Variants in YEATS2 observed in about 807,000 individuals in gnomAD.
YEATS2 encodes the protein YEATS domain containing 2, also known as YEATS domain-containing protein 2.
In YEATS2, 77 loss-of-function variants were observed where a neutral mutation model predicts 163.2. That is an observed-to-expected ratio of 0.47 (90% CI 0.39 to 0.57). The LOEUF (loss-of-function observed/expected upper bound fraction) is 0.57. Among genes scored for constraint, YEATS2 ranks in the 20% least tolerant of loss-of-function variants. The probability of loss-of-function intolerance (pLI) is 0.00; values close to 1 mark genes in which losing one functional copy is unlikely to be tolerated. For synonymous variants in YEATS2, 631 were observed against 645.1 expected (o/e 0.98, Z 0.33); for missense variants, 1,549 against 1,729.8 (o/e 0.90, Z 1.85).
Position 183,728,845 on chromosome 3 carries a change from A to G in YEATS2, c.806A>G (p.Glu269Gly). The change falls in exon 7 of 31, where the codon GAA (glutamate) becomes GGA (glycine). Residue 269 changes from glutamate to glycine, a missense_variant. Coordinates refer to ENST00000305135, the MANE Select transcript of YEATS2 (RefSeq NM_018023.5). ...AGCTATAAACCAAATGACCTTGTGG[A>G]AGTTAGGTAAGCACGCTTGAGGTAT... Reference protein sequence around the residue: ...HPSYKPNDLVEVREPPFHLTR... With the variant: ...HPSYKPNDLVGVREPPFHLTR... 6.2e-7 allele frequency: 1 copy of G among 1,609,220 alleles called. No individual in the cohort carries two copies. The highest frequency in any genetic ancestry group is 1.1e-5 in the South Asian group (1 of 89,614).
chr3:183,714,386 C>T (rs1047584030), intron 1 of YEATS2, among the ~76,000 whole-genome samples: 3 of 149,778 alleles, frequency 2.0e-5, no homozygotes, highest in South Asian at 2.1e-4. Flanking sequence ...TTAGTAGAGA[C>T]GGGTTTTCAC....
chr3:183,793,475 T>C, intron 21 of YEATS2: 1 of 938,774 alleles, frequency 1.1e-6, no homozygotes, highest in African/African-American at 2.7e-5. Context: ...ATAAAAGGAA[T>C]TATTATAATA....
In YEATS2 at chr3:183,718,607, T is replaced by C; in HGVS notation, c.291+15T>C. ...AAGTTTCTGAGGTAAGCATTCCTCA[T>C]ACCCAGTCATTTTCCAGCCACTCAT... On this transcript the variant is annotated intron_variant, in intron 4 of 30. Coordinates refer to ENST00000305135, the MANE Select transcript of YEATS2 (RefSeq NM_018023.5). The C allele has an allele frequency of 1.3e-6, 2 of 1,579,380 alleles. No homozygotes were observed. The highest frequency in any genetic ancestry group is 1.7e-6 in the Non-Finnish European group (2 of 1,157,384).
At chr3:183,788,472 ACAGGATTT>A (rs1724278375) in intron 20 of YEATS2, among the ~76,000 whole-genome samples, 1 of 152,330 alleles carries the variant, frequency 6.6e-6, no homozygotes, top group Non-Finnish European at 1.5e-5. Context: ...GTTGCAAATG[ACAGGATTT>A]CATTCTTTCT....
intron 21 of YEATS2, 142 bp downstream of exon 21, chr3:183,791,122 C>T: frequency 4.3e-6 from 5 of 1,163,664 alleles, no homozygotes; most frequent in Non-Finnish European, 5.9e-6. Context: ...CAACCTCTGC[C>T]TTCCAGGCTC....
intron 15 of YEATS2, among the ~76,000 whole-genome samples, chr3:183,767,260 C>T (rs2109388111): frequency 6.6e-6 from 1 of 151,802 alleles, no homozygotes. Flanking sequence ...GCGTCTAGCT[C>T]CGTTGCCCAG....
chr3:183,786,101 T>C, intron 19 of YEATS2, 24 bp from the exon 20 acceptor site: 1 of 1,605,854 alleles, frequency 6.2e-7, no homozygotes, highest in South Asian at 1.1e-5. Flanking sequence ...AACATGATTA[T>C]TTCTGCCCAT....
intron 29 of YEATS2, 162 bp from the exon 30 acceptor site, chr3:183,808,935 T>A (rs1384738544): frequency 1.7e-6 from 1 of 597,854 alleles, no homozygotes; most frequent in Non-Finnish European, 3.0e-6. Flanking sequence ...ATGGCCTTTA[T>A]CATTATGGTC....
intron 15 of YEATS2, among the ~76,000 whole-genome samples, chr3:183,770,539 C>T (rs558792598): frequency 1.4e-3 from 209 of 152,286 alleles, no homozygotes; most frequent in African/African-American, 4.8e-3. Flanking sequence ...CCCATATCCT[C>T]CACCCCAAAT....
intron 21 of YEATS2, among the ~76,000 whole-genome samples, chr3:183,797,131 T>C (rs1190458167): frequency 1.3e-5 from 2 of 151,776 alleles, no homozygotes; most frequent in Non-Finnish European, 2.9e-5. Flanking sequence ...TAGCTGGGCA[T>C]GGTGGCATGC....
chr3:183,795,299 C>G (rs893048496), intron 21 of YEATS2, among the ~76,000 whole-genome samples: 1 of 151,508 alleles, frequency 6.6e-6, no homozygotes, highest in African/African-American at 2.4e-5. Context: ...ATTTTTATTT[C>G]ATTTTTAGAG....
chr3:183,714,449 G>C (rs1007219086), intron 1 of YEATS2, among the ~76,000 whole-genome samples: 4 of 151,714 alleles, frequency 2.6e-5, no homozygotes, highest in Admixed American at 2.0e-4. Flanking sequence ...GCCCACCTCG[G>C]CCTCCCAAAG....
In YEATS2 at chr3:183,797,793, C is replaced by T. The variant is rs1725299511; in HGVS notation, c.3098-130C>T. 3.6e-6 allele frequency: 4 copies of T among 1,126,542 alleles called. No homozygotes were observed. The East Asian group carries it at 9.9e-5, about 28-fold the overall frequency. 69.8% of individuals were successfully genotyped at this position (1,126,542 alleles called of 1,614,324 possible). ...AGCATCTGTTGTCTCCTGCTTCTTG[C>T]TCTTTGTTTACTGGAAGGTTAAATG... On this transcript the variant is annotated intron_variant, in intron 21 of 30. Coordinates refer to ENST00000305135, the MANE Select transcript of YEATS2 (RefSeq NM_018023.5).
chr3:183,701,612 T>C (rs1349395700), intron 1 of YEATS2, among the ~76,000 whole-genome samples: 4 of 151,962 alleles, frequency 2.6e-5, no homozygotes, highest in African/African-American at 9.7e-5. Flanking sequence ...CAGGCCGGTC[T>C]TAAACTCCTG....
intron 2 of YEATS2, among the ~76,000 whole-genome samples, chr3:183,716,936 G>T (rs1367145801): frequency 1.3e-5 from 2 of 150,542 alleles, no homozygotes; most frequent in African/African-American, 4.9e-5. Flanking sequence ...TCTGTCACCC[G>T]GGCTGGAGTG....
chr3:183,753,614 G>A (rs1720409964), intron 10 of YEATS2, among the ~76,000 whole-genome samples: 1 of 152,128 alleles, frequency 6.6e-6, no homozygotes, highest in South Asian at 2.1e-4. Flanking sequence ...CAGGGATGGT[G>A]GTGCATACCT....
intron 8 of YEATS2, among the ~76,000 whole-genome samples, chr3:183,743,857 C>T (rs79458854): frequency 0.026 from 3,993 of 152,158 alleles, 175 homozygotes; most frequent in African/African-American, 0.092. Context: ...TGTAGAATTC[C>T]TTTTTCATTC....
At chr3:183,744,101 G>A (rs1198273277) in intron 8 of YEATS2, among the ~76,000 whole-genome samples, 2 of 77,330 alleles carry the variant, frequency 2.6e-5, no homozygotes, top group Admixed American at 3.0e-4. Flanking sequence ...TTTTAGTTTT[G>A]CTTTTTTTTT....
At chr3:183,795,836 C>T (rs1057357548) in intron 21 of YEATS2, among the ~76,000 whole-genome samples, 2 of 152,100 alleles carry the variant, frequency 1.3e-5, no homozygotes, top group Non-Finnish European at 2.9e-5. Flanking sequence ...GTATTACTAC[C>T]TGATGATTTA....
Sources: allele counts gnomAD v4.1 joint callset (sites outside exome capture counted in the v4.1 genomes callset), GRCh38; gene constraint gnomAD v4.1.1; transcripts MANE v1.5; gene names NCBI Gene and HGNC (gene_info 2026-07-23, HGNC 2026-07-21).